The following MANBA variants were observed in gnomAD, a reference collection of about 807,000 sequenced individuals.
MANBA encodes mannosidase beta.
Under a neutral mutation model 111.1 loss-of-function variants are expected in MANBA, and 83 were observed. The observed-to-expected ratio is 0.75, with a 90% CI of 0.63 to 0.90. MANBA has a LOEUF of 0.90. MANBA is among the 40% of genes least tolerant of loss of function. MANBA has a pLI of 0.00. For missense variants in MANBA, 1,036 were observed against 1,069.0 expected, an observed-to-expected ratio of 0.97 and a Z score of 0.43; for synonymous variants, 370 against 378.7, an observed-to-expected ratio of 0.98 and a Z score of 0.27.
At chr4:102,729,454 G>T in intron 1 of MANBA, 1 of 1,285,498 alleles carries the variant, frequency 7.8e-7, no homozygotes, top group Non-Finnish European at 1.1e-6. Flanking sequence ...AGATGTGTCC[G>T]AGATCTGGGA....
At chr4:102,734,294 C>T (rs541988940) in intron 1 of MANBA, 41 of 1,478,300 alleles carry the variant, frequency 2.8e-5, no homozygotes, top group South Asian at 3.8e-5. Flanking sequence ...AGGGCAGCAG[C>T]GTGAGAGTTG....
chr4:102,631,097 G>T lies in MANBA; in HGVS notation c.*960C>A, dbSNP rs1430551404. On this transcript the variant is annotated 3_prime_UTR_variant, in exon 17 of 17. Coordinates refer to ENST00000647097, the MANE Select transcript of MANBA (RefSeq NM_005908.4). ...CAGCCCTAAGTCCCCTTATCCCCTT[G>T]ATAAGGCTTTGTGTGTGTGTGTGTG... is the stretch of plus-strand genomic sequence containing the variant. The T allele has an allele frequency of 7.1e-6, 1 of 140,558 alleles. No homozygotes were observed. Among genetic ancestry groups the T allele is most frequent in the Non-Finnish European group, 1.5e-5 (1 of 66,188 alleles). The allele number at this position is 140,558 out of a possible 1,614,324, so 8.7% of individuals were successfully genotyped here.
chr4:102,708,239 A>G (rs1733391807), intron 5 of MANBA, among the ~76,000 whole-genome samples: 1 of 152,198 alleles, frequency 6.6e-6, no homozygotes, highest in Admixed American at 6.5e-5. Context: ...TCTCAAGAAT[A>G]GATAATATGT....
rs755625012 is a variant in MANBA, at chr4:102,664,744, T to C, written c.1426A>G (p.Ile476Val). 1.1e-5 allele frequency: 17 copies of C among 1,613,220 alleles called. No homozygotes were observed. Among genetic ancestry groups the C allele is most frequent in the East Asian group, 2.2e-5 (1 of 44,904 alleles). ...WYHISFTDRP[I>V]YIKDYVTLYV... ...AGTGTCACATAGTCCTTGATGTAGA[T>C]TGGCCGGTCAGTGAAACTGATATGA... is the stretch of plus-strand genomic sequence containing the variant. Residue 476 changes from isoleucine (I) to valine (V), a missense_variant, in exon 11 of 17, where the codon ATC becomes GTC. Coordinates refer to ENST00000647097, the MANE Select transcript of MANBA (RefSeq NM_005908.4).
Position 102,669,144 on chromosome 4 carries a change from C to T in MANBA, c.1231-95G>A, listed in dbSNP as rs112157734. On this transcript the variant is annotated intron_variant, in intron 9 of 16. Transcript: ENST00000647097. The stretch of plus-strand genomic sequence containing the variant: ...TGAGCTCTGGGCATTATCTTTCACA[C>T]AAATGAAAAATCCAGTTAGCCTGAT... The T allele has an allele frequency of 2.2e-5, 22 of 993,084 alleles. 2 individuals are homozygous for T. Among genetic ancestry groups the T allele is most frequent in the African/African-American group, 2.1e-4 (13 of 62,250 alleles). The allele number at this position is 993,084 out of a possible 1,614,324, so 61.5% of individuals were successfully genotyped here.
chr4:102,645,395 C>T (rs963465521), intron 13 of MANBA, among the ~76,000 whole-genome samples: 3 of 151,968 alleles, frequency 2.0e-5, no homozygotes, highest in Non-Finnish European at 4.4e-5. Context: ...TAAGTGTTTC[C>T]TCCTCTTATT....
At chr4:102,752,372 A>G in intron 1 of MANBA, 3 of 1,282,572 alleles carry the variant, frequency 2.3e-6, no homozygotes, top group Non-Finnish European at 3.4e-6. Context: ...ACTAAAGACC[A>G]TTCTTTGGTG....
intron 13 of MANBA, among the ~76,000 whole-genome samples, 177 bp from the exon 14 acceptor site, chr4:102,640,034 T>C (rs1729811698): frequency 6.6e-6 from 1 of 152,132 alleles, no homozygotes; most frequent in African/African-American, 2.4e-5. Context: ...AACTAGCCCC[T>C]TAGCATGAGA....
chr4:102,729,514 TC>T (rs915005248), intron 1 of MANBA: 263 of 935,034 alleles, frequency 2.8e-4, no homozygotes, highest in Admixed American at 2.1e-4. Flanking sequence ...GAAATTGATC[TC>T]GTCAGTCAGC....
intron 12 of MANBA, among the ~76,000 whole-genome samples, chr4:102,654,638 T>C (rs892908451): frequency 6.6e-6 from 1 of 152,164 alleles, no homozygotes; most frequent in Non-Finnish European, 1.5e-5. Flanking sequence ...AAATGCAACA[T>C]TCTTTCATGA....
intron 7 of MANBA, 92 bp downstream of exon 7, chr4:102,689,482 T>C (rs1000356792): frequency 1.1e-5 from 9 of 809,484 alleles, no homozygotes; most frequent in Admixed American, 4.9e-5. Context: ...CACAAGAGTT[T>C]TGACGGTTTC....
In MANBA at chr4:102,752,359, C is replaced by T. The variant is rs920764237; in HGVS notation, c.177+8359G>A. 1.3e-5 allele frequency: 18 copies of T among 1,351,298 alleles called. No homozygotes were observed. The Admixed American group carries it at 1.7e-4, about 13-fold the overall frequency. 83.7% of individuals were successfully genotyped at this position (1,351,298 alleles called of 1,614,324 possible). ...TAGGCATACCAGACTGTGGGATCCCCGAACTAAAGACCATTCTTTGGTGTC... is the reference window on the plus strand; with the variant it reads ...TAGGCATACCAGACTGTGGGATCCCTGAACTAAAGACCATTCTTTGGTGTC... On this transcript the variant is annotated intron_variant, in intron 1 of 16. Coordinates refer to ENST00000647097, the MANE Select transcript of MANBA (RefSeq NM_005908.4).
intron 13 of MANBA, among the ~76,000 whole-genome samples, chr4:102,640,153 C>T (rs1486774605): frequency 6.6e-6 from 1 of 151,738 alleles, no homozygotes; most frequent in Non-Finnish European, 1.5e-5. Flanking sequence ...TAGTGTAGGC[C>T]GTAAAGAAAA....
intron 14 of MANBA, 112 bp downstream of exon 14, chr4:102,639,601 T>G: frequency 7.1e-7 from 1 of 1,402,476 alleles, no homozygotes. Context: ...ATGACTCTTT[T>G]GGTCATAGTT....
intron 4 of MANBA, 57 bp from the exon 5 acceptor site, chr4:102,714,618 T>G: frequency 6.6e-7 from 1 of 1,526,148 alleles, no homozygotes; most frequent in Non-Finnish European, 9.1e-7. Flanking sequence ...ATTTAAACAT[T>G]ATGAAAAACA....
Position 102,742,184 on chromosome 4 carries a change from G to A in MANBA, c.178-15501C>T, listed in dbSNP as rs117368394. On this transcript the variant is annotated intron_variant, in intron 1 of 16. Coordinates refer to ENST00000647097, the MANE Select transcript of MANBA (RefSeq NM_005908.4). ...TAGCCCACTGACTTAAACTTAGGAGGAGCCCGAAGTGTCCAGGTGGCAATC... is the reference window on the plus strand; with the variant it reads ...TAGCCCACTGACTTAAACTTAGGAGAAGCCCGAAGTGTCCAGGTGGCAATC... 1.0e-3 allele frequency among the ~76,000 whole-genome samples: 153 copies of A among 152,274 alleles called. 3 individuals are homozygous for A. The East Asian group carries it at 0.025, about 25-fold the overall frequency.
chr4:102,655,049 T>C lies in MANBA; in HGVS notation c.1704+2633A>G, dbSNP rs975957033. 5.3e-5 allele frequency among the ~76,000 whole-genome samples: 8 copies of C among 152,060 alleles called. No individual in the cohort carries two copies. In the East Asian group the frequency reaches 1.5e-3, roughly 29 times the overall value. ...CATCTGTATTTTTATACGTTAGCAA[T>C]GAACAACCTAAAAATGAAATTAAGA... On this transcript the variant is annotated intron_variant, in intron 12 of 16. Coordinates refer to ENST00000647097, the MANE Select transcript of MANBA (RefSeq NM_005908.4).
In MANBA at chr4:102,680,645, A is replaced by C. The variant is rs183907792; in HGVS notation, c.961-6575T>G. On this transcript the variant is annotated intron_variant, in intron 7 of 16. Transcript: ENST00000647097. ...AAAAAGCAAATTCCACAAGGCTCAGAGAATAATTTCCAAGAGGCTGAAATA... is the reference window on the plus strand; with the variant it reads ...AAAAAGCAAATTCCACAAGGCTCAGCGAATAATTTCCAAGAGGCTGAAATA... Among the ~76,000 whole-genome samples, 364 of 152,298 alleles carry C rather than the reference A, an allele frequency of 2.4e-3. 2 individuals are homozygous for C. Among genetic ancestry groups the C allele is most frequent in the African/African-American group, 8.2e-3 (341 of 41,582 alleles).
At chr4:102,674,856 C>A (rs896082641) in intron 7 of MANBA, among the ~76,000 whole-genome samples, 8 of 152,142 alleles carry the variant, frequency 5.3e-5, no homozygotes, top group African/African-American at 1.7e-4. Flanking sequence ...TAAAGCCTAG[C>A]CTTAAGCCAA....
Sources: gnomAD v4.1 joint callset for allele counts (sites outside exome capture counted in the v4.1 genomes callset) on GRCh38, gnomAD v4.1.1 for gene constraint, MANE v1.5 for transcripts, NCBI Gene and HGNC (gene_info 2026-07-23, HGNC 2026-07-21) for gene names.